RSPO2: variants seen among roughly 807,000 people sequenced by gnomAD.
The protein encoded by RSPO2 is R-spondin-2.
A neutral mutation model predicts 30.9 loss-of-function variants in RSPO2; 14 were observed. The observed-to-expected ratio is 0.45, with a 90% CI of 0.30 to 0.71. RSPO2 has a LOEUF of 0.71. Among genes scored for constraint, RSPO2 ranks in the 30% least tolerant of loss-of-function variants. The pLI is 0.08. For synonymous variants in RSPO2, 107 were observed against 96.4 expected (o/e 1.11, Z -0.64); for missense variants, 264 against 301.9 (o/e 0.87, Z 0.93).
chr8:107,936,859 GTTGT>G (rs1217324456), intron 5 of RSPO2, among the ~76,000 whole-genome samples: 1 of 151,958 alleles, frequency 6.6e-6, no homozygotes, highest in African/African-American at 2.4e-5. Context: ...TGGGTTTATT[GTTGT>G]TTGAGATCTT....
chr8:108,063,852 C>G (rs1812562644), intron 2 of RSPO2, among the ~76,000 whole-genome samples: 2 of 152,112 alleles, frequency 1.3e-5, no homozygotes, highest in Non-Finnish European at 2.9e-5. Flanking sequence ...TGGAACAGAA[C>G]AGAGCCCTCA....
chr8:107,905,827 G>C (rs1811622528), intron 5 of RSPO2, among the ~76,000 whole-genome samples: 1 of 151,616 alleles, frequency 6.6e-6, no homozygotes, highest in Non-Finnish European at 1.5e-5. Context: ...TGAGTAGCAA[G>C]AGGTATTTAT....
chr8:108,071,232 G>A (rs1362071128), intron 2 of RSPO2, among the ~76,000 whole-genome samples: 1 of 152,204 alleles, frequency 6.6e-6, no homozygotes, highest in African/African-American at 2.4e-5. Context: ...TCAAGGGGTA[G>A]TTTCCAAAGC....
intron 2 of RSPO2, among the ~76,000 whole-genome samples, chr8:108,017,400 G>A (rs1487126330): frequency 1.3e-5 from 2 of 152,274 alleles, no homozygotes; most frequent in East Asian, 3.9e-4. Context: ...CCTGCAAAAT[G>A]ACAATATAAC....
At chr8:107,940,113 C>T (rs531963577) in intron 5 of RSPO2, among the ~76,000 whole-genome samples, 2 of 152,174 alleles carry the variant, frequency 1.3e-5, no homozygotes, top group East Asian at 3.9e-4. Context: ...CTGCCTTTGC[C>T]ACTGAACTGG....
At chr8:107,954,605 T>TTTATTTATTTATTTATTTA (rs559227021) in intron 5 of RSPO2, among the ~76,000 whole-genome samples, 81 of 39,806 alleles carry the variant, frequency 2.0e-3, no homozygotes, top group African/African-American at 3.4e-3. Flanking sequence ...TATTTATTTA[T>TTTATTTATTTATTTATTTA]TTTATTTATT....
chr8:107,928,613 A>G (rs1366049852), intron 5 of RSPO2, among the ~76,000 whole-genome samples: 1 of 152,202 alleles, frequency 6.6e-6, no homozygotes, highest in Non-Finnish European at 1.5e-5. Context: ...TCCAACAATC[A>G]TCTTAATTCA....
chr8:107,997,180 G>C (rs1323140328), intron 2 of RSPO2: 1 of 198,850 alleles, frequency 5.0e-6, no homozygotes, highest in African/African-American at 2.4e-5. Flanking sequence ...CAATAGCTTA[G>C]TAATTCCACA....
chr8:107,951,253 C>T (rs1222674629), intron 5 of RSPO2, among the ~76,000 whole-genome samples: 1 of 151,952 alleles, frequency 6.6e-6, no homozygotes. Flanking sequence ...AGTTTCACCA[C>T]ATGTTGGCCA....
intron 3 of RSPO2, among the ~76,000 whole-genome samples, chr8:107,975,802 T>G (rs1814185985): frequency 6.6e-6 from 1 of 152,246 alleles, no homozygotes; most frequent in African/African-American, 2.4e-5. Flanking sequence ...ATATACGGTT[T>G]TATCCCAGTC....
chr8:107,942,499 T>A (rs567599068), intron 5 of RSPO2, among the ~76,000 whole-genome samples: 1 of 152,330 alleles, frequency 6.6e-6, no homozygotes, highest in African/African-American at 2.4e-5. Flanking sequence ...ATATTTTGAT[T>A]CTCTTATAGC....
intron 4 of RSPO2, among the ~76,000 whole-genome samples, chr8:107,958,800 T>G (rs887499565): frequency 1.6e-4 from 24 of 152,168 alleles, no homozygotes; most frequent in Non-Finnish European, 3.2e-4. Flanking sequence ...GTGCGGTGTT[T>G]GGCTTTCTGT....
chr8:107,982,933 TTTGAGTTG>T (rs1406655696), intron 3 of RSPO2, among the ~76,000 whole-genome samples: 7 of 152,156 alleles, frequency 4.6e-5, no homozygotes, highest in Non-Finnish European at 1.0e-4. Flanking sequence ...TGTTTGGACA[TTTGAGTTG>T]TTTCCAACTT....
At chr8:108,057,055 C>CAAAAAAAAAAAAAAAAAA (rs56727719) in intron 2 of RSPO2, among the ~76,000 whole-genome samples, 4 of 36,080 alleles carry the variant, frequency 1.1e-4, no homozygotes, top group Admixed American at 5.9e-4. Flanking sequence ...GACTCTGTCT[C>CAAAAAAAAAAAAAAAAAA]AAAAAAAAAA....
chr8:108,023,092 C>T (rs559176680), intron 2 of RSPO2, among the ~76,000 whole-genome samples: 81 of 152,082 alleles, frequency 5.3e-4, no homozygotes, highest in African/African-American at 1.8e-3. Context: ...AGAGAGGAAG[C>T]GATAGAGGGA....
intron 5 of RSPO2, among the ~76,000 whole-genome samples, chr8:107,951,207 C>T (rs148528943): frequency 1.3e-5 from 2 of 152,062 alleles, no homozygotes; most frequent in South Asian, 2.1e-4. Context: ...AGGCATGTAC[C>T]ACCACACCCA....
At chr8:107,992,720 G>C (rs536231899) in intron 2 of RSPO2, among the ~76,000 whole-genome samples, 1 of 152,024 alleles carries the variant, frequency 6.6e-6, no homozygotes, top group South Asian at 2.1e-4. Context: ...AGCCAGAGAG[G>C]AATAGCAGAT....
intron 2 of RSPO2, among the ~76,000 whole-genome samples, chr8:108,067,755 G>C (rs1812717643): frequency 6.6e-6 from 1 of 152,166 alleles, no homozygotes; most frequent in South Asian, 2.1e-4. Context: ...GCTCCATAAA[G>C]AGCACTAGCA....
chr8:107,918,017 G>C (rs1464440781), intron 5 of RSPO2, among the ~76,000 whole-genome samples: 2 of 152,104 alleles, frequency 1.3e-5, no homozygotes, highest in Non-Finnish European at 2.9e-5. Flanking sequence ...CGTTAGAATA[G>C]AGAAAAAGAC....
Sources: gnomAD v4.1 joint callset for allele counts (sites outside exome capture counted in the v4.1 genomes callset) on GRCh38, gnomAD v4.1.1 for gene constraint, MANE v1.5 for transcripts, NCBI Gene and HGNC (gene_info 2026-07-23, HGNC 2026-07-21) for gene names.